The following ADAMTS3 variants were observed in gnomAD, a reference collection of about 807,000 sequenced individuals.
ADAMTS3 encodes A disintegrin and metalloproteinase with thrombospondin motifs 3.
A neutral mutation model predicts 129.0 loss-of-function variants in ADAMTS3; 73 were observed. The ratio of observed to expected loss-of-function variants is 0.57; its 90% CI spans 0.47 to 0.69. The LOEUF (loss-of-function observed/expected upper bound fraction) is 0.69, where lower values mean the gene tolerates loss of function less well. ADAMTS3 is among the 30% of genes least tolerant of loss of function. The pLI is 0.00. For synonymous variants in ADAMTS3, 477 were observed against 510.8 expected, an observed-to-expected ratio of 0.93 and a Z score of 0.89; for missense variants, 1,457 against 1,514.5, an observed-to-expected ratio of 0.96 and a Z score of 0.63.
In ADAMTS3 at chr4:72,283,292, C is replaced by T; in HGVS notation, c.3462G>A (p.Lys1154=). Residue 1154 remains lysine (K), a synonymous_variant, in exon 22 of 22, where the codon AAG becomes AAA. Coordinates refer to ENST00000286657, the MANE Select transcript of ADAMTS3 (RefSeq NM_014243.3). ...LVTVPSSPPT[K]RVHLSSASQM... ...GTGAAGCTGAACTGAGGTGGACCCT[C>T]TTGGTGGGTGGGGAGGATGGTACGG... 1 of 1,614,048 alleles carries T rather than the reference C, an allele frequency of 6.2e-7. No homozygotes were observed. Among genetic ancestry groups the T allele is most frequent in the Non-Finnish European group, 8.5e-7 (1 of 1,179,968 alleles).
At chr4:72,498,125 T>C (rs1347331620) in intron 3 of ADAMTS3, among the ~76,000 whole-genome samples, 2 of 152,104 alleles carry the variant, frequency 1.3e-5, no homozygotes, top group Non-Finnish European at 2.9e-5. Context: ...TATAACATAT[T>C]AAGTAAAATG....
At chr4:72,319,295 A>C (rs763408709) in intron 9 of ADAMTS3, 37 bp downstream of exon 9, 2 of 1,611,732 alleles carry the variant, frequency 1.2e-6, no homozygotes, top group Non-Finnish European at 1.7e-6. Context: ...GTAGGCTATA[A>C]AATAAATACT....
chr4:72,456,177 C>CTATATATATTT (rs1718599078), intron 3 of ADAMTS3, among the ~76,000 whole-genome samples: 1 of 1,132 alleles, frequency 8.8e-4, no homozygotes, highest in African/African-American at 1.3e-3. Context: ...ATAGTATATA[C>CTATATATATTT]TATATATATT....
chr4:72,444,563 TC>T (rs1718203736), intron 3 of ADAMTS3, among the ~76,000 whole-genome samples: 2 of 151,814 alleles, frequency 1.3e-5, no homozygotes, highest in African/African-American at 4.8e-5. Context: ...TTTCTTTCTC[TC>T]TTTCATTCCT....
At chr4:72,475,727 T>C (rs1359402374) in intron 3 of ADAMTS3, among the ~76,000 whole-genome samples, 2 of 151,222 alleles carry the variant, frequency 1.3e-5, no homozygotes, top group Non-Finnish European at 3.0e-5. Flanking sequence ...CCACAGAACA[T>C]ATACCAAGAG....
intron 4 of ADAMTS3, among the ~76,000 whole-genome samples, chr4:72,403,142 G>T (rs1301068186): frequency 6.6e-6 from 1 of 151,992 alleles, no homozygotes; most frequent in Non-Finnish European, 1.5e-5. Context: ...TTTTTCCTTT[G>T]TTTTTGCCAA....
intron 5 of ADAMTS3, among the ~76,000 whole-genome samples, chr4:72,335,405 C>A (rs556562178): frequency 6.6e-6 from 1 of 152,220 alleles, no homozygotes; most frequent in South Asian, 2.1e-4. Context: ...AAAAGGTGGA[C>A]AACTTGCATG....
At chr4:72,376,050 G>A (rs938265363) in intron 4 of ADAMTS3, among the ~76,000 whole-genome samples, 2 of 152,152 alleles carry the variant, frequency 1.3e-5, no homozygotes, top group Non-Finnish European at 2.9e-5. Context: ...TTTAAGATGA[G>A]GATCAAAAGA....
At chr4:72,296,927 A>G (rs1718824215) in intron 18 of ADAMTS3, among the ~76,000 whole-genome samples, 1 of 152,050 alleles carries the variant, frequency 6.6e-6, no homozygotes, top group South Asian at 2.1e-4. Context: ...TAGTTTTGAA[A>G]TTTAAAAACT....
chr4:72,342,616 C>T (rs1369785577), intron 4 of ADAMTS3, among the ~76,000 whole-genome samples: 2 of 152,120 alleles, frequency 1.3e-5, no homozygotes, highest in East Asian at 3.9e-4. Flanking sequence ...CAGCGATCTG[C>T]CTGCCTCAGC....
intron 3 of ADAMTS3, among the ~76,000 whole-genome samples, chr4:72,530,857 T>C (rs1220263445): frequency 7.8e-6 from 1 of 128,452 alleles, no homozygotes; most frequent in African/African-American, 2.9e-5. Context: ...TATAATATTT[T>C]ATATGATATA....
At chr4:72,476,758 G>A (rs1373926155) in intron 3 of ADAMTS3, among the ~76,000 whole-genome samples, 1 of 151,954 alleles carries the variant, frequency 6.6e-6, no homozygotes, top group African/African-American at 2.4e-5. Flanking sequence ...ACAAAATATT[G>A]CAAACAAAAT....
intron 3 of ADAMTS3, among the ~76,000 whole-genome samples, chr4:72,526,516 T>C (rs1412443670): frequency 2.0e-5 from 3 of 150,048 alleles, no homozygotes; most frequent in African/African-American, 7.3e-5. Flanking sequence ...AATATAAATA[T>C]ACATATAAAA....
intron 3 of ADAMTS3, among the ~76,000 whole-genome samples, chr4:72,431,395 A>C (rs970858223): frequency 6.6e-6 from 1 of 152,006 alleles, no homozygotes; most frequent in Non-Finnish European, 1.5e-5. Context: ...AAGCATTCTT[A>C]ATCTTAAAAT....
In ADAMTS3 at chr4:72,323,074, C is replaced by G. The variant is rs1719602389; in HGVS notation, c.885G>C (p.Glu295Asp). The change falls in exon 6 of 22, where the codon GAG becomes GAC. Residue 295 changes from glutamate to aspartate, a missense_variant. Coordinates refer to ENST00000286657, the MANE Select transcript of ADAMTS3 (RefSeq NM_014243.3). ...MNIVNEIYHD[E>D]SLGVHINVVL... ...CCACATTTATATGCACTCCGAGGGA[C>G]TCATCATGGTAAATTTCATTCACCT... 6.2e-7 allele frequency: 1 copy of G among 1,613,160 alleles called. No homozygotes were observed. Among genetic ancestry groups the G allele is most frequent in the African/African-American group, 1.3e-5 (1 of 74,846 alleles).
At chr4:72,539,668 T>C (rs1721273217) in intron 3 of ADAMTS3, among the ~76,000 whole-genome samples, 2 of 152,150 alleles carry the variant, frequency 1.3e-5, no homozygotes, top group South Asian at 4.1e-4. Flanking sequence ...CCATATGTCA[T>C]GGGAGGAACC....
intron 3 of ADAMTS3, among the ~76,000 whole-genome samples, chr4:72,510,103 G>A (rs1238709144): frequency 6.6e-6 from 1 of 151,118 alleles, no homozygotes; most frequent in Non-Finnish European, 1.5e-5. Flanking sequence ...AAAAAGATCA[G>A]GTAAAGAAGG....
chr4:72,362,312 C>A (rs953126291), intron 4 of ADAMTS3, among the ~76,000 whole-genome samples: 1 of 152,128 alleles, frequency 6.6e-6, no homozygotes, highest in African/African-American at 2.4e-5. Context: ...CTTTACACAA[C>A]TCTTAAAGCA....
At chr4:72,541,230 A>G (rs781140605) in intron 3 of ADAMTS3, among the ~76,000 whole-genome samples, 1 of 152,200 alleles carries the variant, frequency 6.6e-6, no homozygotes, top group Non-Finnish European at 1.5e-5. Context: ...GAGCTTTAAA[A>G]TTTGACTGCC....
Sources: allele counts gnomAD v4.1 joint callset (sites outside exome capture counted in the v4.1 genomes callset), GRCh38; gene constraint gnomAD v4.1.1; transcripts MANE v1.5; gene names NCBI Gene and HGNC (gene_info 2026-07-23, HGNC 2026-07-21).